GSR: variants seen among roughly 807,000 people sequenced by gnomAD.
The protein encoded by GSR is glutathione-disulfide reductase.
In GSR, 48 loss-of-function variants were observed where a neutral mutation model predicts 56.5. The ratio of observed to expected loss-of-function variants is 0.85; its 90% CI spans 0.67 to 1.08. GSR has a LOEUF of 1.08. Among genes scored for constraint, GSR ranks in the 50% least tolerant of loss-of-function variants. GSR has a pLI of 0.00. For missense variants in GSR, 694 were observed against 703.3 expected (o/e 0.99, Z 0.15); for synonymous variants, 264 against 270.8 (o/e 0.97, Z 0.25).
At chr8:30,706,673 T>C (rs1803932204) in intron 4 of GSR, among the ~76,000 whole-genome samples, 1 of 152,012 alleles carries the variant, frequency 6.6e-6, no homozygotes. Flanking sequence ...GGGAAAGGTG[T>C]GACATCCCAG....
intron 1 of GSR, among the ~76,000 whole-genome samples, chr8:30,723,188 A>G (rs1369926241): frequency 6.6e-6 from 1 of 152,152 alleles, no homozygotes; most frequent in Non-Finnish European, 1.5e-5. Context: ...CTCTCCCATC[A>G]CGTGTGTAGG....
At chr8:30,700,756 G>A (rs1239156079) in intron 5 of GSR, among the ~76,000 whole-genome samples, 3 of 78,834 alleles carry the variant, frequency 3.8e-5, no homozygotes, top group Non-Finnish European at 6.0e-5. Flanking sequence ...AAAAATCGAC[G>A]TGGCCCTTTC....
intron 2 of GSR, among the ~76,000 whole-genome samples, chr8:30,711,189 C>T (rs1282509861): frequency 6.6e-6 from 1 of 152,030 alleles, no homozygotes; most frequent in Non-Finnish European, 1.5e-5. Context: ...AGGAGATTTG[C>T]TTATATAATA....
At chr8:30,717,733 CT>C (rs1804384142) in intron 1 of GSR, among the ~76,000 whole-genome samples, 1 of 151,820 alleles carries the variant, frequency 6.6e-6, no homozygotes. Context: ...CCGTCGGAGT[CT>C]AGTTTATGGT....
At chr8:30,719,501 T>G (rs532214943) in intron 1 of GSR, among the ~76,000 whole-genome samples, 2 of 152,186 alleles carry the variant, frequency 1.3e-5, no homozygotes, top group South Asian at 4.2e-4. Flanking sequence ...TCCACCCACT[T>G]CAGCCTCCCA....
intron 9 of GSR, among the ~76,000 whole-genome samples, chr8:30,687,183 T>C (rs1399426147): frequency 6.6e-6 from 1 of 152,128 alleles, no homozygotes; most frequent in Non-Finnish European, 1.5e-5. Context: ...TTACTAAATG[T>C]CATTGAATAA....
intron 1 of GSR, among the ~76,000 whole-genome samples, chr8:30,717,513 C>G (rs1239140219): frequency 6.6e-6 from 1 of 152,124 alleles, no homozygotes; most frequent in African/African-American, 2.4e-5. Context: ...TGCTCCCCGT[C>G]GCTAGCATTA....
At chr8:30,696,294 C>T (rs1803538412) in intron 7 of GSR, 86 bp downstream of exon 7, 1 of 922,896 alleles carries the variant, frequency 1.1e-6, no homozygotes, top group African/African-American at 1.6e-5. Flanking sequence ...TGCTTTGCAC[C>T]CTAGTATTTA....
At chr8:30,705,929 G>A (rs1293797788) in intron 4 of GSR, among the ~76,000 whole-genome samples, 1 of 152,106 alleles carries the variant, frequency 6.6e-6, no homozygotes, top group Non-Finnish European at 1.5e-5. Context: ...ACTGTACACA[G>A]TTAGCTATGT....
chr8:30,713,198 A>G (rs1357557619), intron 1 of GSR, among the ~76,000 whole-genome samples: 1 of 152,016 alleles, frequency 6.6e-6, no homozygotes, highest in Non-Finnish European at 1.5e-5. Flanking sequence ...CACCATGCCC[A>G]GCTAATTTTT....
Position 30,708,691 on chromosome 8 carries a change from T to C in GSR, c.423-550A>G, listed in dbSNP as rs8190949. ...GTAAAAACAGGCCGGGCGCGGTGGC[T>C]CACGCCTGTAATCCCAGCACTTTGG... On this transcript the variant is annotated intron_variant, in intron 3 of 12. Transcript: ENST00000221130. Among the ~76,000 whole-genome samples the C allele has an allele frequency of 4.3e-3, 655 of 152,222 alleles. 17 individuals are homozygous for C. Among genetic ancestry groups the C allele is most frequent in the Admixed American group, 0.036 (548 of 15,278 alleles).
At chr8:30,696,275 C>G in intron 7 of GSR, 105 bp downstream of exon 7, 1 of 839,704 alleles carries the variant, frequency 1.2e-6, no homozygotes, top group South Asian at 1.3e-5. Context: ...ACCAAATGAC[C>G]CCCACACCTG....
chr8:30,707,660 A>T (rs1361095627), intron 4 of GSR, among the ~76,000 whole-genome samples: 1 of 151,356 alleles, frequency 6.6e-6, no homozygotes, highest in East Asian at 2.0e-4. Context: ...CCTGGTCGTT[A>T]AAAATAAAAT....
At chr8:30,714,662 T>A (rs1304642043) in intron 1 of GSR, among the ~76,000 whole-genome samples, 1 of 151,934 alleles carries the variant, frequency 6.6e-6, no homozygotes, top group Admixed American at 6.6e-5. Flanking sequence ...ACGTGGCCTG[T>A]ATATGCTTTT....
chr8:30,684,166 CG>C lies in GSR; in HGVS notation c.1074del (p.Ile358MetfsTer2), dbSNP rs780276547. ...ACGTTGGTATTCTGGAATTCGTCTACGATGATATGACCCTTGTCATCGGTTT... is the reference window on the plus strand; with the variant it reads ...ACGTTGGTATTCTGGAATTCGTCTACATGATATGACCCTTGTCATCGGTTT... ...GIQTDDKGHIIVDEFQNTNVK... is the reference protein window; with the variant it reads ...GIQTDDKGHIXVDEFQNTNVK... On this transcript the variant is annotated frameshift_variant, in exon 10 of 13. Coordinates refer to ENST00000221130, the MANE Select transcript of GSR (RefSeq NM_000637.5). LOFTEE classifies it high-confidence loss of function. The C allele has an allele frequency of 1.9e-6, 3 of 1,607,720 alleles. No individual in the cohort carries two copies. Among genetic ancestry groups the C allele is most frequent in the Non-Finnish European group, 2.6e-6 (3 of 1,174,166 alleles).
At chr8:30,683,116 G>A (rs1399690672) in intron 10 of GSR, among the ~76,000 whole-genome samples, 4 of 152,070 alleles carry the variant, frequency 2.6e-5, no homozygotes, top group East Asian at 3.9e-4. Context: ...GTGAGCCACC[G>A]TGCCCAGCTG....
intron 1 of GSR, among the ~76,000 whole-genome samples, chr8:30,717,224 C>A (rs369210261): frequency 2.0e-5 from 3 of 146,392 alleles, no homozygotes; most frequent in Non-Finnish European, 3.0e-5. Context: ...GCAACAAGAG[C>A]GAAACTCTAT....
At chr8:30,706,930 A>T (rs954795203) in intron 4 of GSR, 1 of 152,174 alleles carries the variant, frequency 6.6e-6, no homozygotes, top group African/African-American at 2.4e-5. Flanking sequence ...TGAGGTCAGG[A>T]GTTCGAGACC....
intron 11 of GSR, 81 bp from the exon 12 acceptor site, chr8:30,681,118 T>C (rs1802941872): frequency 1.7e-6 from 2 of 1,143,426 alleles, no homozygotes; most frequent in Admixed American, 1.7e-5. Context: ...TGACCAGAAA[T>C]ACATAACCTC....
Sources: allele counts gnomAD v4.1 joint callset (sites outside exome capture counted in the v4.1 genomes callset), GRCh38; gene constraint gnomAD v4.1.1; transcripts MANE v1.5; gene names NCBI Gene and HGNC (gene_info 2026-07-23, HGNC 2026-07-21).